SLC9C2: variants seen among roughly 807,000 people sequenced by gnomAD.
SLC9C2 encodes the protein solute carrier family 9 member C2 (putative).
A neutral mutation model predicts 140.2 loss-of-function variants in SLC9C2; 75 were observed. That is an observed-to-expected ratio of 0.53 (90% CI 0.44 to 0.65). The LOEUF (loss-of-function observed/expected upper bound fraction) is 0.65, where lower values mean the gene tolerates loss of function less well. Ranked by LOEUF, SLC9C2 falls within the 30% of genes least tolerant of loss-of-function variation. SLC9C2 has a pLI of 0.00. For missense variants in SLC9C2, 1,074 were observed against 1,331.8 expected (o/e 0.81, Z 3.01); for synonymous variants, 375 against 420.9 (o/e 0.89, Z 1.34).
chr1:173,579,693 A>T (rs1307915537), intron 7 of SLC9C2, among the ~76,000 whole-genome samples: 2 of 152,216 alleles, frequency 1.3e-5, no homozygotes, highest in African/African-American at 4.8e-5. Flanking sequence ...ATGCTCAAAT[A>T]TATTTTTGGT....
intron 23 of SLC9C2, 142 bp from the exon 24 acceptor site, chr1:173,509,841 C>A: frequency 4.8e-6 from 4 of 836,424 alleles, no homozygotes; most frequent in South Asian, 1.8e-5. Context: ...CATTTAGAAG[C>A]ATTTGTATTG....
At chr1:173,527,954 G>A (rs1571476170) in intron 18 of SLC9C2, among the ~76,000 whole-genome samples, 3 of 152,100 alleles carry the variant, frequency 2.0e-5, no homozygotes. Context: ...TATTGGGAAG[G>A]TGCCAAATTA....
At chr1:173,544,451 G>T (rs182499770) in intron 13 of SLC9C2, among the ~76,000 whole-genome samples, 3 of 152,112 alleles carry the variant, frequency 2.0e-5, no homozygotes, top group Non-Finnish European at 4.4e-5. Context: ...ACAGTGTGGC[G>T]ATTCCTCAAG....
intron 4 of SLC9C2, among the ~76,000 whole-genome samples, chr1:173,590,755 C>T (rs1203856048): frequency 2.0e-5 from 3 of 152,108 alleles, no homozygotes; most frequent in Non-Finnish European, 4.4e-5. Flanking sequence ...AATGTATACA[C>T]AGTGGGTATG....
At chr1:173,600,295 C>T (rs1482288238) in intron 2 of SLC9C2, 78 bp from the exon 3 acceptor site, 9 of 941,918 alleles carry the variant, frequency 9.6e-6, no homozygotes, top group Non-Finnish European at 1.4e-5. Flanking sequence ...TTTGCACCAT[C>T]CCAAAGTAAG....
chr1:173,578,971 C>G (rs1665354068), intron 7 of SLC9C2, among the ~76,000 whole-genome samples: 1 of 152,204 alleles, frequency 6.6e-6, no homozygotes, highest in South Asian at 2.1e-4. Flanking sequence ...CAACCTAAAA[C>G]AGGAGGCTAC....
At chr1:173,530,673 A>T (rs1661515883) in intron 17 of SLC9C2, among the ~76,000 whole-genome samples, 1 of 152,152 alleles carries the variant, frequency 6.6e-6, no homozygotes, top group South Asian at 2.1e-4. Flanking sequence ...TTGAGGACTC[A>T]GTTTCCTCAT....
chr1:173,554,350 G>A (rs922795888), intron 11 of SLC9C2, among the ~76,000 whole-genome samples: 5 of 152,148 alleles, frequency 3.3e-5, no homozygotes, highest in Non-Finnish European at 7.4e-5. Context: ...CTAGTTGGTT[G>A]GATTGTAGAC....
At chr1:173,548,645 T>A in intron 11 of SLC9C2, 93 bp from the exon 12 acceptor site, 1 of 1,364,658 alleles carries the variant, frequency 7.3e-7, no homozygotes, top group Non-Finnish European at 1.0e-6. Flanking sequence ...AGTGAAATCT[T>A]GAGATCACCT....
chr1:173,503,425 TAA>T, intron 26 of SLC9C2, 99 bp from the exon 27 acceptor site: 9 of 1,102,796 alleles, frequency 8.2e-6, no homozygotes, highest in Non-Finnish European at 1.2e-5. Flanking sequence ...TTTCTCCCTA[TAA>T]GTTTCCCTTT....
intron 7 of SLC9C2, among the ~76,000 whole-genome samples, chr1:173,578,695 G>A (rs1665334985): frequency 6.6e-6 from 1 of 152,178 alleles, no homozygotes; most frequent in Admixed American, 6.5e-5. Context: ...TCTGTCCCAG[G>A]CCTCTCTCCT....
intron 7 of SLC9C2, among the ~76,000 whole-genome samples, chr1:173,580,535 T>A (rs908999143): frequency 3.5e-4 from 53 of 152,214 alleles, no homozygotes; most frequent in African/African-American, 1.1e-3. Flanking sequence ...GAACTTTTAG[T>A]AGAGACAGGG....
intron 9 of SLC9C2, among the ~76,000 whole-genome samples, chr1:173,564,911 A>T (rs1358492073): frequency 2.0e-5 from 3 of 150,032 alleles, no homozygotes; most frequent in African/African-American, 7.3e-5. Context: ...TGCTGGGATT[A>T]CAGGCGTGAG....
chr1:173,558,520 G>A (rs1663870257), intron 9 of SLC9C2, among the ~76,000 whole-genome samples: 1 of 152,182 alleles, frequency 6.6e-6, no homozygotes, highest in Non-Finnish European at 1.5e-5. Context: ...ACATAAGCAA[G>A]TTAATCTCTC....
chr1:173,553,578 C>T (rs1034159582), intron 11 of SLC9C2, among the ~76,000 whole-genome samples: 1 of 152,210 alleles, frequency 6.6e-6, no homozygotes, highest in Non-Finnish European at 1.5e-5. Flanking sequence ...TTGCTGAAGG[C>T]TCAGATGATT....
chr1:173,516,547 A>G (rs1331597355), intron 23 of SLC9C2, among the ~76,000 whole-genome samples: 2 of 152,024 alleles, frequency 1.3e-5, no homozygotes, highest in Non-Finnish European at 2.9e-5. Flanking sequence ...TCCCACTTAT[A>G]TGTGAGAACA....
At chr1:173,594,194 GAA>G (rs1005026021) in intron 4 of SLC9C2, among the ~76,000 whole-genome samples, 17 of 152,228 alleles carry the variant, frequency 1.1e-4, no homozygotes, top group Middle Eastern at 3.4e-3. Context: ...GACCTTTAAT[GAA>G]AAGGACACAA....
chr1:173,503,577 C>T (rs1054986322), intron 26 of SLC9C2, among the ~76,000 whole-genome samples: 5 of 152,106 alleles, frequency 3.3e-5, no homozygotes, highest in Admixed American at 2.0e-4. Context: ...GGGGTAAAGG[C>T]GAGAGTGAGC....
intron 4 of SLC9C2, among the ~76,000 whole-genome samples, chr1:173,591,696 A>G (rs1666175400): frequency 6.6e-6 from 1 of 151,930 alleles, no homozygotes; most frequent in Non-Finnish European, 1.5e-5. Flanking sequence ...GTCTGTTTTT[A>G]TCCTTTGCCC....
Sources: gnomAD v4.1 joint callset for allele counts (sites outside exome capture counted in the v4.1 genomes callset) on GRCh38, gnomAD v4.1.1 for gene constraint, MANE v1.5 for transcripts, NCBI Gene and HGNC (gene_info 2026-07-23, HGNC 2026-07-21) for gene names.